Variants in CNIH3 observed in about 807,000 individuals in gnomAD.
CNIH3 encodes the protein cornichon family AMPA receptor auxiliary protein 3.
A neutral mutation model predicts 24.1 loss-of-function variants in CNIH3; 14 were observed. The observed-to-expected ratio is 0.58, with a 90% CI of 0.38 to 0.91. CNIH3 has a LOEUF of 0.91. Among genes scored for constraint, CNIH3 ranks in the 40% least tolerant of loss-of-function variants. The pLI, the probability that CNIH3 is intolerant of heterozygous loss-of-function variation, is 0.00. For missense variants in CNIH3, 178 were observed against 196.8 expected, an observed-to-expected ratio of 0.90 and a Z score of 0.57; for synonymous variants, 68 against 73.8, an observed-to-expected ratio of 0.92 and a Z score of 0.40.
chr1:224,574,786 C>T (rs1452363013), intron 4 of CNIH3: 5 of 1,052,922 alleles, frequency 4.7e-6, no homozygotes, highest in Non-Finnish European at 7.4e-6. Context: ...AGCTTCAAGC[C>T]TGGGAAGGAA....
At chr1:224,658,710 C>G (rs897349101) in intron 1 of CNIH3, among the ~76,000 whole-genome samples, 1 of 147,388 alleles carries the variant, frequency 6.8e-6, no homozygotes, top group Admixed American at 6.7e-5. Flanking sequence ...AAACTTGTCT[C>G]TCTCTCCCCT....
intron 2 of CNIH3, among the ~76,000 whole-genome samples, chr1:224,531,248 G>A (rs1312783955): frequency 2.0e-5 from 3 of 152,102 alleles, no homozygotes; most frequent in Admixed American, 1.3e-4. Flanking sequence ...GGGGTACAGT[G>A]GGGAAGATGA....
At chr1:224,574,700 GA>G in intron 4 of CNIH3, 1 of 1,186,134 alleles carries the variant, frequency 8.4e-7, no homozygotes, top group Non-Finnish European at 1.3e-6. Flanking sequence ...AGGGCCTGGT[GA>G]AAGGAGCCTG....
At chr1:224,626,736 C>G (rs551277655) in intron 1 of CNIH3, among the ~76,000 whole-genome samples, 18 of 152,188 alleles carry the variant, frequency 1.2e-4, no homozygotes, top group Non-Finnish European at 2.1e-4. Context: ...CATTGACCTA[C>G]CTCTCCAGCC....
chr1:224,637,607 T>A (rs1472479520), intron 1 of CNIH3, among the ~76,000 whole-genome samples: 1 of 152,122 alleles, frequency 6.6e-6, no homozygotes, highest in Non-Finnish European at 1.5e-5. Flanking sequence ...CCACACCCTT[T>A]CTCCCTTTGT....
At chr1:224,482,475 G>A (rs1676854374) in intron 1 of CNIH3, among the ~76,000 whole-genome samples, 1 of 151,986 alleles carries the variant, frequency 6.6e-6, no homozygotes, top group South Asian at 2.1e-4. Flanking sequence ...TCAGGAATAG[G>A]ACCTTCCCTT....
chr1:224,436,154 T>A (rs930510981), intron 1 of CNIH3, among the ~76,000 whole-genome samples: 1 of 152,206 alleles, frequency 6.6e-6, no homozygotes, highest in Non-Finnish European at 1.5e-5. Flanking sequence ...TGCTTAAATT[T>A]GCTTCCAGGT....
upstream of CNIH3, among the ~76,000 whole-genome samples, chr1:224,612,532 C>T (rs1682747867): frequency 6.6e-6 from 1 of 152,084 alleles, no homozygotes; most frequent in African/African-American, 2.4e-5. This position sits in a 1 kb window ranked among gnomAD's most constrained non-coding sequence, Gnocchi z 4.7. Flanking sequence ...TAAGGCTGAA[C>T]CAGAAATAAA....
At chr1:224,647,327 G>A (rs1222667223) in intron 1 of CNIH3, among the ~76,000 whole-genome samples, 2 of 152,140 alleles carry the variant, frequency 1.3e-5, no homozygotes, top group Non-Finnish European at 2.9e-5. Context: ...AATTAAAGGG[G>A]GCTTGAATTC....
chr1:224,687,097 C>T (rs1452337554), intron 3 of CNIH3, among the ~76,000 whole-genome samples: 1 of 152,214 alleles, frequency 6.6e-6, no homozygotes, highest in African/African-American at 2.4e-5. Context: ...GAGACAGTGA[C>T]TTCAAGACTT....
At chr1:224,629,301 C>A (rs1683702533) in intron 1 of CNIH3, among the ~76,000 whole-genome samples, 1 of 151,000 alleles carries the variant, frequency 6.6e-6, no homozygotes, top group Non-Finnish European at 1.5e-5. Context: ...GCCACCATGC[C>A]CGGCTGCAAT....
intron 1 of CNIH3, among the ~76,000 whole-genome samples, chr1:224,672,516 C>G (rs1254928158): frequency 1.3e-5 from 2 of 152,216 alleles, no homozygotes; most frequent in Non-Finnish European, 2.9e-5. Context: ...TCCAAATGCT[C>G]TAAGGGAGAA....
At chr1:224,541,241 G>A (rs1429034733), downstream of CNIH3, among the ~76,000 whole-genome samples, 9 of 152,166 alleles carry the variant, frequency 5.9e-5, no homozygotes, top group African/African-American at 2.2e-4. Context: ...TGGAGATTCC[G>A]AAGGGAAATT....
chr1:224,501,521 ATATATTTT>A (rs1055573528), intron 1 of CNIH3, among the ~76,000 whole-genome samples: 33 of 96,500 alleles, frequency 3.4e-4, no homozygotes, highest in African/African-American at 1.0e-3. Context: ...ATATATATAT[ATATATTTT>A]TTTTTTTTAA....
At chr1:224,440,911 G>A (rs1674876611) in intron 1 of CNIH3, among the ~76,000 whole-genome samples, 1 of 151,940 alleles carries the variant, frequency 6.6e-6, no homozygotes, top group Non-Finnish European at 1.5e-5. Context: ...CTGCCTCCCG[G>A]GTTCACACCA....
chr1:224,483,522 G>A (rs575700949), intron 1 of CNIH3, among the ~76,000 whole-genome samples: 123 of 151,990 alleles, frequency 8.1e-4, no homozygotes, highest in Middle Eastern at 3.4e-3. Flanking sequence ...CTGAGTAGCT[G>A]GGATTTATAG....
chr1:224,684,958 A>C lies in CNIH3; in HGVS notation c.198+115A>C. Reference sequence around the variant, plus strand: ...CCAGTCCTGTCCACCAGGGAGGCAAATGGTGGCAGGGAAAGGGGGAGGTGG... The same window carrying C: ...CCAGTCCTGTCCACCAGGGAGGCAACTGGTGGCAGGGAAAGGGGGAGGTGG... On this transcript the variant is annotated intron_variant, in intron 3 of 5. Coordinates refer to ENST00000272133, the MANE Select transcript of CNIH3 (RefSeq NM_152495.2). This position sits in a 1 kb window ranked among gnomAD's most constrained non-coding sequence, Gnocchi z 4.2. 1.0e-6 allele frequency: 1 copy of C among 998,356 alleles called. No homozygotes were observed. Among genetic ancestry groups the C allele is most frequent in the Non-Finnish European group, 1.6e-6 (1 of 621,870 alleles). The allele number at this position is 998,356 out of a possible 1,614,324, so 61.8% of individuals were successfully genotyped here.
intron 4 of CNIH3, among the ~76,000 whole-genome samples, chr1:224,732,948 GA>G (rs532755912): frequency 6.6e-5 from 10 of 151,664 alleles, no homozygotes; most frequent in African/African-American, 2.4e-4. Context: ...GAACATGAAA[GA>G]AAAAAAAGAA....
intron 1 of CNIH3, among the ~76,000 whole-genome samples, chr1:224,621,255 G>A (rs144500015): frequency 3.3e-5 from 5 of 152,324 alleles, no homozygotes; most frequent in South Asian, 4.1e-4. Flanking sequence ...CATATGTGCC[G>A]AGAGGCAGTT....
Sources: allele counts gnomAD v4.1 joint callset (sites outside exome capture counted in the v4.1 genomes callset), GRCh38; gene constraint gnomAD v4.1.1; non-coding constraint Gnocchi (gnomAD v3.1); transcripts MANE v1.5; gene names NCBI Gene and HGNC (gene_info 2026-07-23, HGNC 2026-07-21).